Variants in AVEN observed in about 807,000 individuals in gnomAD.
AVEN encodes the protein apoptosis and caspase activation inhibitor, also known as cell death regulator Aven.
AVEN carries 41 observed loss-of-function variants against 38.1 expected under a neutral mutation model. The observed-to-expected ratio is 1.08, with a 90% CI of 0.84 to 1.40. The LOEUF (loss-of-function observed/expected upper bound fraction) is 1.40, where lower values mean the gene tolerates loss of function less well. AVEN is among the 40% of genes most tolerant of loss of function. AVEN has a pLI of 0.00. For synonymous variants in AVEN, 206 were observed against 171.8 expected (o/e 1.20, Z -1.56); for missense variants, 605 against 438.8 (o/e 1.38, Z -3.38).
At chr15:33,877,848 C>A (rs773996828) in intron 2 of AVEN, among the ~76,000 whole-genome samples, 8 of 152,212 alleles carry the variant, frequency 5.3e-5, no homozygotes, top group Non-Finnish European at 1.0e-4. Context: ...ACTCAGGAGG[C>A]TGAGGCAGGA....
intron 2 of AVEN, among the ~76,000 whole-genome samples, chr15:33,966,655 A>AAGATG (rs10627387): frequency 0.67 from 30,799 of 45,832 alleles, 8,618 homozygotes; most frequent in African/African-American, 0.72. Flanking sequence ...GCCAATTTGA[A>AAGATG]AGATGAGATA....
the AVEN span, among the ~76,000 whole-genome samples, chr15:33,853,372 AT>A: frequency 1.3e-5 from 2 of 152,186 alleles, no homozygotes; most frequent in African/African-American, 2.4e-5. Context: ...AAAAACAGTT[AT>A]CATTTAATTG....
chr15:33,898,041 T>C (rs7402775), intron 2 of AVEN, among the ~76,000 whole-genome samples: 124,494 of 151,878 alleles, frequency 0.82, 55,111 homozygotes, highest in Non-Finnish European at 0.98. Context: ...TACAAAAAAT[T>C]AGCTGGGCGT....
At chr15:34,015,823 A>G (rs1367368015) in intron 1 of AVEN, among the ~76,000 whole-genome samples, 1 of 152,220 alleles carries the variant, frequency 6.6e-6, no homozygotes, top group African/African-American at 2.4e-5. Context: ...ATTTTATTTC[A>G]AAGATAAAAT....
chr15:33,927,383 A>G (rs943514259), intron 2 of AVEN, among the ~76,000 whole-genome samples: 1 of 151,810 alleles, frequency 6.6e-6, no homozygotes, highest in Non-Finnish European at 1.5e-5. Flanking sequence ...TGAATTAATT[A>G]CCAATAATAA....
intron 2 of AVEN, among the ~76,000 whole-genome samples, chr15:33,981,552 A>G (rs1229516677): frequency 6.6e-6 from 1 of 152,158 alleles, no homozygotes; most frequent in Non-Finnish European, 1.5e-5. Context: ...CATTTTCTAT[A>G]CAATACACCA....
intron 2 of AVEN, among the ~76,000 whole-genome samples, chr15:33,976,186 T>TA (rs34096224): frequency 2.0e-5 from 3 of 152,188 alleles, no homozygotes; most frequent in African/African-American, 7.2e-5. Flanking sequence ...ATCTTCCATC[T>TA]AAAAAAGCCA....
At chr15:33,935,931 A>G (rs1049698157) in intron 2 of AVEN, among the ~76,000 whole-genome samples, 1 of 152,204 alleles carries the variant, frequency 6.6e-6, no homozygotes, top group Non-Finnish European at 1.5e-5. Flanking sequence ...TCATTCATTT[A>G]GTTTTGTAAT....
At chr15:33,854,718 A>T, downstream of AVEN, 1 of 1,559,490 alleles carries the variant, frequency 6.4e-7, no homozygotes, top group Non-Finnish European at 8.6e-7. Flanking sequence ...TATAATGAGC[A>T]CACTATGAGG....
intron 1 of AVEN, among the ~76,000 whole-genome samples, chr15:34,034,195 C>A (rs1038498112): frequency 6.6e-6 from 1 of 152,188 alleles, no homozygotes; most frequent in Non-Finnish European, 1.5e-5. Context: ...GTAACCCCAG[C>A]ACTTTGGGTG....
chr15:33,947,286 T>C (rs1340164351), intron 2 of AVEN, among the ~76,000 whole-genome samples: 1 of 152,164 alleles, frequency 6.6e-6, no homozygotes, highest in Non-Finnish European at 1.5e-5. Context: ...AAACAACGAA[T>C]GCTCCCAGCA....
rs202211755 is a variant in AVEN at position 33,992,555 on chromosome 15, T to C, written c.445+10477A>G. 4.6e-5 allele frequency among the ~76,000 whole-genome samples: 7 copies of C among 152,362 alleles called. No individual in the cohort carries two copies. The East Asian group carries it at 1.3e-3, about 29-fold the overall frequency. On this transcript the variant is annotated intron_variant, in intron 2 of 5. Transcript: ENST00000306730. ...GAACAAATTTTTTAATTTATAGTTC[T>C]GTTTGTGTTATTTCAGATGTTTTAA...
intron 2 of AVEN, among the ~76,000 whole-genome samples, chr15:33,892,109 G>A (rs1396915789): frequency 6.6e-6 from 1 of 152,102 alleles, no homozygotes; most frequent in Non-Finnish European, 1.5e-5. Flanking sequence ...TGAGTTATTT[G>A]TAGATTCTGG....
At chr15:33,934,412 AAGAAG>A (rs1480296773) in intron 2 of AVEN, among the ~76,000 whole-genome samples, 7 of 152,224 alleles carry the variant, frequency 4.6e-5, no homozygotes, top group African/African-American at 1.7e-4. Context: ...TAGCAACCAA[AAGAAG>A]AGAAAAGAAT....
intron 2 of AVEN, among the ~76,000 whole-genome samples, chr15:33,937,331 G>C (rs1160049175): frequency 1.3e-5 from 2 of 150,568 alleles, no homozygotes; most frequent in East Asian, 4.0e-4. Context: ...TCAGGAGATT[G>C]AGACCATCCT....
chr15:34,025,084 C>T (rs903021787), intron 1 of AVEN, among the ~76,000 whole-genome samples: 1 of 151,846 alleles, frequency 6.6e-6, no homozygotes, highest in Non-Finnish European at 1.5e-5. Context: ...GCAGGAGAAT[C>T]GTTTGAGCCC....
At chr15:33,947,974 T>C (rs1300758348) in intron 2 of AVEN, among the ~76,000 whole-genome samples, 2 of 152,240 alleles carry the variant, frequency 1.3e-5, no homozygotes, top group Non-Finnish European at 2.9e-5. Flanking sequence ...ATTAAAAATC[T>C]TTTCAAACTG....
intron 2 of AVEN, among the ~76,000 whole-genome samples, chr15:33,880,234 C>A (rs4780188): frequency 0.91 from 137,786 of 152,232 alleles, 62,431 homozygotes; most frequent in East Asian, 0.99. Flanking sequence ...CATGAGAGTT[C>A]CCAAGGCAGT....
chr15:33,884,884 G>A (rs1345958967), intron 2 of AVEN, among the ~76,000 whole-genome samples: 1 of 151,018 alleles, frequency 6.6e-6, no homozygotes, highest in Non-Finnish European at 1.5e-5. Flanking sequence ...TCATTTGATA[G>A]TAGCAATTCC....
Sources: gnomAD v4.1 joint callset for allele counts (sites outside exome capture counted in the v4.1 genomes callset) on GRCh38, gnomAD v4.1.1 for gene constraint, MANE v1.5 for transcripts, NCBI Gene and HGNC (gene_info 2026-07-23, HGNC 2026-07-21) for gene names.